NTM: variants seen among roughly 807,000 people sequenced by gnomAD.
NTM encodes neurotrimin, also known as IgLON family member 2.
A neutral mutation model predicts 42.1 loss-of-function variants in NTM; 13 were observed. That is an observed-to-expected ratio of 0.31 (90% CI 0.20 to 0.49). The LOEUF is 0.49. NTM is among the 20% of genes least tolerant of loss of function. The probability of loss-of-function intolerance (pLI) is 0.99; values close to 1 mark genes in which losing one functional copy is unlikely to be tolerated. For missense variants in NTM, 373 were observed against 452.8 expected (o/e 0.82, Z 1.60); for synonymous variants, 187 against 179.2 (o/e 1.04, Z -0.35).
At chr11:131,584,877 C>T (rs995141429) in intron 1 of NTM, among the ~76,000 whole-genome samples, 1 of 152,172 alleles carries the variant, frequency 6.6e-6, no homozygotes, top group Non-Finnish European at 1.5e-5. Context: ...GCCTCCCCCT[C>T]TCAGTGCTGC....
intron 1 of NTM, among the ~76,000 whole-genome samples, chr11:131,693,790 C>T (rs571549292): frequency 5.3e-5 from 8 of 152,286 alleles, no homozygotes; most frequent in African/African-American, 1.7e-4. Context: ...TATGGAGTGT[C>T]TCTCTCCTCC....
intron 1 of NTM, among the ~76,000 whole-genome samples, chr11:131,604,497 G>A (rs937497521): frequency 6.6e-6 from 1 of 151,952 alleles, no homozygotes; most frequent in African/African-American, 2.4e-5. Flanking sequence ...CCTCAATAGT[G>A]TCTTTTGAAT....
chr11:131,588,078 G>A (rs1256904812), intron 1 of NTM, among the ~76,000 whole-genome samples: 1 of 152,028 alleles, frequency 6.6e-6, no homozygotes, highest in African/African-American at 2.4e-5. Context: ...ACCATATGAG[G>A]TGGTTACTAA....
At chr11:131,614,656 C>A (rs560667361) in intron 1 of NTM, among the ~76,000 whole-genome samples, 1 of 152,212 alleles carries the variant, frequency 6.6e-6, no homozygotes. Context: ...TCTCTGCCAT[C>A]GTCACTGCTT....
At chr11:132,107,339 CTTTTTTTTTTTT>C (rs780844735) in intron 2 of NTM, among the ~76,000 whole-genome samples, 113 of 88,866 alleles carry the variant, frequency 1.3e-3, no homozygotes, top group African/African-American at 3.9e-3. Context: ...AAGATTTATC[CTTTTTTTTTTTT>C]TTTTTTTTTT....
At chr11:132,188,098 G>T (rs545625994) in intron 3 of NTM, among the ~76,000 whole-genome samples, 4 of 152,132 alleles carry the variant, frequency 2.6e-5, no homozygotes, top group Non-Finnish European at 4.4e-5. Context: ...AACTCTGTGC[G>T]TGCGTGTGTG....
intron 1 of NTM, among the ~76,000 whole-genome samples, chr11:131,817,565 C>A (rs1214656976): frequency 6.6e-6 from 1 of 152,208 alleles, no homozygotes; most frequent in Non-Finnish European, 1.5e-5. Flanking sequence ...AGCCAATGTT[C>A]ATGTTTATTG....
chr11:131,406,387 C>T (rs1945817667), intron 1 of NTM, among the ~76,000 whole-genome samples: 1 of 152,120 alleles, frequency 6.6e-6, no homozygotes, highest in African/African-American at 2.4e-5. Context: ...ATCCTTATCT[C>T]TCTGAGGGAT....
chr11:131,489,093 T>C (rs990966956), intron 1 of NTM, among the ~76,000 whole-genome samples: 11 of 152,210 alleles, frequency 7.2e-5, no homozygotes, highest in Admixed American at 1.3e-4. Context: ...CAGGTGGACC[T>C]TCCTCCGTGG....
At chr11:131,371,921 G>A (rs1941258665) in intron 1 of NTM, among the ~76,000 whole-genome samples, 1 of 152,210 alleles carries the variant, frequency 6.6e-6, no homozygotes, top group South Asian at 2.1e-4. Context: ...CTTGGGAGGT[G>A]AGGCTCAGTC....
chr11:132,095,516 T>C (rs1305267208), intron 2 of NTM, among the ~76,000 whole-genome samples: 1 of 152,130 alleles, frequency 6.6e-6, no homozygotes, highest in Admixed American at 6.5e-5. Flanking sequence ...AGCCCTGAAC[T>C]GAGAGGGAAT....
chr11:131,666,336 G>A (rs770486217), intron 1 of NTM, among the ~76,000 whole-genome samples: 1 of 152,170 alleles, frequency 6.6e-6, no homozygotes, highest in African/African-American at 2.4e-5. Flanking sequence ...TTGCCAGAGG[G>A]TTCCTTTATT....
intron 1 of NTM, among the ~76,000 whole-genome samples, chr11:131,717,081 T>A (rs2077774495): frequency 6.6e-6 from 1 of 152,148 alleles, no homozygotes; most frequent in African/African-American, 2.4e-5. Context: ...GTTCAAGCAA[T>A]CCTCCTGTCT....
At chr11:131,924,138 C>G (rs761464659) in intron 2 of NTM, among the ~76,000 whole-genome samples, 1 of 152,212 alleles carries the variant, frequency 6.6e-6, no homozygotes, top group African/African-American at 2.4e-5. Context: ...CAGTGCAGGG[C>G]ACGGAGCTGG....
At chr11:131,977,343 C>T in intron 2 of NTM, among the ~76,000 whole-genome samples, 1 of 152,252 alleles carries the variant, frequency 6.6e-6, no homozygotes, top group Non-Finnish European at 1.5e-5. Context: ...TCTGCTCTTC[C>T]TATTGTGAAA....
chr11:132,011,330 C>G (rs2072139377), intron 2 of NTM, among the ~76,000 whole-genome samples: 1 of 152,124 alleles, frequency 6.6e-6, no homozygotes, highest in African/African-American at 2.4e-5. Flanking sequence ...AAATCAACCT[C>G]TCTTTGAAGT....
chr11:131,985,127 A>G (rs2065864435), intron 2 of NTM, among the ~76,000 whole-genome samples: 1 of 152,018 alleles, frequency 6.6e-6, no homozygotes, highest in Non-Finnish European at 1.5e-5. Flanking sequence ...ATCTCTTGTG[A>G]TCATCGGTGT....
chr11:132,053,827 G>T (rs923033683), intron 2 of NTM, among the ~76,000 whole-genome samples: 2 of 152,164 alleles, frequency 1.3e-5, no homozygotes, highest in African/African-American at 4.8e-5. Context: ...TACCCTAATT[G>T]GTGGGTTTCC....
chr11:132,162,781 CTG>C (rs112701696), intron 3 of NTM, among the ~76,000 whole-genome samples: 113,536 of 143,282 alleles, frequency 0.79, 44,668 homozygotes, highest in Middle Eastern at 0.84. Context: ...TTTGTGGGAC[CTG>C]TGTGTGTGTG....
Sources: gnomAD v4.1 joint callset for allele counts (sites outside exome capture counted in the v4.1 genomes callset) on GRCh38, gnomAD v4.1.1 for gene constraint, MANE v1.5 for transcripts, NCBI Gene and HGNC (gene_info 2026-07-23, HGNC 2026-07-21) for gene names.